ERC1: variants seen among roughly 807,000 people sequenced by gnomAD.
ERC1 encodes the protein RAB6 interacting protein 2.
A neutral mutation model predicts 132.0 loss-of-function variants in ERC1; 56 were observed. The ratio of observed to expected loss-of-function variants is 0.42; its 90% confidence interval spans 0.34 to 0.53. The LOEUF is 0.53. Ranked by LOEUF, ERC1 falls within the 20% of genes least tolerant of loss-of-function variation. ERC1 has a pLI of 0.03. For synonymous variants in ERC1, 478 were observed against 476.1 expected, an observed-to-expected ratio of 1.00 and a Z score of -0.05; for missense variants, 1,202 against 1,349.9, an observed-to-expected ratio of 0.89 and a Z score of 1.72.
Position 1,239,457 on chromosome 12 carries a change from G to A in ERC1, c.2487+2553G>A, listed in dbSNP as rs544343039. Among the ~76,000 whole-genome samples, 26 of 152,274 alleles carry A rather than the reference G, an allele frequency of 1.7e-4. No individual in the cohort carries two copies. In the South Asian group the frequency reaches 4.1e-3, roughly 24 times the overall value. ...TAATGAAGAAATACAGCCGGCCATC[G>A]TGGCTTATGCTAATCCTAGCGACTC... On this transcript the variant is annotated intron_variant, in intron 13 of 18. Coordinates refer to ENST00000360905, the MANE Select transcript of ERC1 (RefSeq NM_178040.4).
intron 2 of ERC1, among the ~76,000 whole-genome samples, chr12:1,040,965 A>T (rs1970111424): frequency 1.3e-5 from 2 of 152,166 alleles, no homozygotes; most frequent in South Asian, 4.1e-4. Flanking sequence ...ATCCTCAGAT[A>T]CTTGAAGAGT....
At chr12:1,482,316 C>A (rs140233873) in intron 18 of ERC1, among the ~76,000 whole-genome samples, 7 of 152,128 alleles carry the variant, frequency 4.6e-5, no homozygotes, top group African/African-American at 1.7e-4. Context: ...ACCCACCCCC[C>A]CAACCCTGCC....
intron 16 of ERC1, among the ~76,000 whole-genome samples, chr12:1,374,958 A>G (rs1282236416): frequency 6.6e-6 from 1 of 151,714 alleles, no homozygotes; most frequent in Non-Finnish European, 1.5e-5. Flanking sequence ...AATCCTGTGC[A>G]TTAGAATTAA....
chr12:993,594 T>A (rs1017334956), intron 1 of ERC1, among the ~76,000 whole-genome samples: 5 of 152,192 alleles, frequency 3.3e-5, no homozygotes, highest in Non-Finnish European at 4.4e-5. Flanking sequence ...TCAACATTAA[T>A]ACTGCAAACT....
chr12:1,183,961 C>T (rs1954773373), intron 11 of ERC1, among the ~76,000 whole-genome samples: 1 of 151,920 alleles, frequency 6.6e-6, no homozygotes, highest in Non-Finnish European at 1.5e-5. Flanking sequence ...TGGCGAAACC[C>T]CATCTCTACT....
Position 1,028,683 on chromosome 12 carries a change from T to C in ERC1, c.669+111T>C, listed in dbSNP as rs1592789108. ...CCTTCGTAGTATATGTATCTTCCTT[T>C]TTCCTATTGATTTTACTGTTTTGTG... is the stretch of plus-strand genomic sequence containing the variant. On this transcript the variant is annotated intron_variant, in intron 2 of 18. Transcript: ENST00000360905. 4.4e-6 allele frequency: 4 copies of C among 906,220 alleles called. No individual in the cohort carries two copies. In the East Asian group the frequency reaches 7.9e-5, roughly 18 times the overall value. The allele number at this position is 906,220 out of a possible 1,614,324, so 56.1% of individuals were successfully genotyped here. A position where few individuals can be genotyped will look rare whatever the true frequency, so the allele number is the denominator to read the frequency against.
In ERC1 at chr12:1,107,203, A is replaced by AT. The variant is rs542723156; in HGVS notation, c.1161+2386dup. 1.9e-4 allele frequency among the ~76,000 whole-genome samples: 28 copies of AT among 147,530 alleles called. No homozygotes were observed. The South Asian group carries it at 5.9e-3, about 31-fold the overall frequency. ...TTTCTCTTCCTCCCCTTTCTCTACT[A>AT]TTTTTTTGTTTGTTTGTTTGTTTGT... On this transcript the variant is annotated intron_variant, in intron 4 of 18. Transcript: ENST00000360905.
chr12:1,244,727 A>G (rs1328221121), intron 13 of ERC1: 1 of 353,056 alleles, frequency 2.8e-6, no homozygotes, highest in Non-Finnish European at 5.7e-6. Context: ...GGGTTTCACC[A>G]TGTTGGCCAG....
At chr12:1,219,260 C>T (rs1479142824) in intron 12 of ERC1, among the ~76,000 whole-genome samples, 1 of 152,126 alleles carries the variant, frequency 6.6e-6, no homozygotes, top group Non-Finnish European at 1.5e-5. Context: ...CCAGAATACT[C>T]TACTTATTAC....
At chr12:1,060,873 C>T (rs960484075) in intron 2 of ERC1, among the ~76,000 whole-genome samples, 1 of 151,020 alleles carries the variant, frequency 6.6e-6, no homozygotes, top group Non-Finnish European at 1.5e-5. Flanking sequence ...CTACAGGTGC[C>T]CACCACCACG....
At chr12:994,095 A>AAAAAT (rs1960275615) in intron 1 of ERC1, among the ~76,000 whole-genome samples, 1 of 138,414 alleles carries the variant, frequency 7.2e-6, no homozygotes, top group Non-Finnish European at 1.6e-5. Flanking sequence ...AAAAAAAAAA[A>AAAAAT]GTGAAGGTTT....
intron 8 of ERC1, among the ~76,000 whole-genome samples, chr12:1,144,746 T>G (rs1158872284): frequency 6.6e-6 from 1 of 151,186 alleles, no homozygotes; most frequent in South Asian, 2.1e-4. Context: ...GAATGTGCTA[T>G]TATAAACATG....
At chr12:1,405,343 A>G (rs1285721520) in intron 16 of ERC1, among the ~76,000 whole-genome samples, 1 of 151,782 alleles carries the variant, frequency 6.6e-6, no homozygotes, top group East Asian at 1.9e-4. Flanking sequence ...TGACTTTAAA[A>G]TGTGCTTACA....
intron 7 of ERC1, among the ~76,000 whole-genome samples, chr12:1,122,571 G>GTCTCTA (rs1308276927): frequency 9.7e-4 from 4 of 4,112 alleles, no homozygotes; most frequent in African/African-American, 2.7e-3. Flanking sequence ...CTCTATCTGT[G>GTCTCTA]TCTCTATCTC....
At chr12:1,052,892 C>T (rs548144633) in intron 2 of ERC1, among the ~76,000 whole-genome samples, 1 of 152,128 alleles carries the variant, frequency 6.6e-6, no homozygotes, top group East Asian at 1.9e-4. Flanking sequence ...ATTTCTTGAA[C>T]CCAGGAGGTG....
chr12:1,072,726 A>G (rs1310638577), intron 2 of ERC1, among the ~76,000 whole-genome samples: 1 of 152,060 alleles, frequency 6.6e-6, no homozygotes, highest in Non-Finnish European at 1.5e-5. Flanking sequence ...AGAGTCTCGC[A>G]CTGTCACCCT....
Position 1,056,369 on chromosome 12 carries a change from A to G in ERC1, c.670-26795A>G, listed in dbSNP as rs559898659. The stretch of plus-strand genomic sequence containing the variant: ...ATGGAAAACTAGGACGCAGACACAC[A>G]AAGAGTGAGGTTCAGAGTGGAAGTT... On this transcript the variant is annotated intron_variant, in intron 2 of 18. Coordinates refer to ENST00000360905, the MANE Select transcript of ERC1 (RefSeq NM_178040.4). 9.2e-5 allele frequency among the ~76,000 whole-genome samples: 14 copies of G among 151,678 alleles called. No homozygotes were observed. In the East Asian group the frequency reaches 2.7e-3, roughly 29 times the overall value.
In ERC1 at chr12:1,283,330, T is replaced by C. The variant is rs945968113; in HGVS notation, c.2620-6522T>C. Among the ~76,000 whole-genome samples, 4 of 152,238 alleles carry C rather than the reference T, an allele frequency of 2.6e-5. No individual in the cohort carries two copies. In the East Asian group the frequency reaches 7.7e-4, roughly 29 times the overall value. ...TGACCTGGAGTATATTTTTAAAGTG[T>C]GGATAAATTCTTCATTGTTTAGTAT... On this transcript the variant is annotated intron_variant, in intron 14 of 18. Transcript: ENST00000360905.
intron 1 of ERC1, among the ~76,000 whole-genome samples, chr12:1,004,447 C>T (rs1252775510): frequency 7.0e-6 from 1 of 142,300 alleles, no homozygotes; most frequent in Non-Finnish European, 1.5e-5. Flanking sequence ...TGCCCTCTCG[C>T]CCAGGCTGGA....
Sources: gnomAD v4.1 joint callset for allele counts (sites outside exome capture counted in the v4.1 genomes callset) on GRCh38, gnomAD v4.1.1 for gene constraint, MANE v1.5 for transcripts, NCBI Gene and HGNC (gene_info 2026-07-23, HGNC 2026-07-21) for gene names.